Variants in B3GALT1 observed in about 807,000 individuals in gnomAD.
B3GALT1 encodes beta-1,3-galactosyltransferase 1.
B3GALT1 carries 10 observed loss-of-function variants against 23.2 expected under a neutral mutation model. The ratio of observed to expected loss-of-function variants is 0.43; its 90% confidence interval spans 0.27 to 0.73. The LOEUF is 0.73. Ranked by LOEUF, B3GALT1 falls within the 30% of genes least tolerant of loss-of-function variation. The pLI, the probability that B3GALT1 is intolerant of heterozygous loss-of-function variation, is 0.21. For synonymous variants in B3GALT1, 156 were observed against 141.5 expected (o/e 1.10, Z -0.73); for missense variants, 299 against 405.4 (o/e 0.74, Z 2.25).
At chr2:167,353,358 T>C (rs987231546) in intron 1 of B3GALT1, among the ~76,000 whole-genome samples, 1 of 152,166 alleles carries the variant, frequency 6.6e-6, no homozygotes, top group Admixed American at 6.5e-5. Context: ...GAGTGTCCAC[T>C]AAGATTCAAA....
intron 1 of B3GALT1, among the ~76,000 whole-genome samples, chr2:167,464,307 T>C (rs1308839215): frequency 6.6e-6 from 1 of 152,216 alleles, no homozygotes; most frequent in African/African-American, 2.4e-5. Flanking sequence ...ATGCAAGTTC[T>C]TGATCTGTAT....
intron 1 of B3GALT1, among the ~76,000 whole-genome samples, chr2:167,476,149 G>A (rs1313517065): frequency 6.6e-6 from 1 of 152,082 alleles, no homozygotes; most frequent in African/African-American, 2.4e-5. Flanking sequence ...ATTTAGGGGG[G>A]CAGTATATAC....
chr2:167,743,118 T>C (rs898027020), intron 3 of B3GALT1, among the ~76,000 whole-genome samples: 5 of 152,144 alleles, frequency 3.3e-5, no homozygotes, highest in African/African-American at 1.2e-4. Context: ...CTCATTTTTT[T>C]CAATGTCTAA....
At chr2:167,788,550 A>T (rs779781310) in intron 3 of B3GALT1, among the ~76,000 whole-genome samples, 2 of 152,014 alleles carry the variant, frequency 1.3e-5, no homozygotes, top group African/African-American at 2.4e-5. Context: ...TCATGTTCCT[A>T]TGAGAATCTA....
chr2:167,845,791 A>T (rs1250670498), intron 4 of B3GALT1, among the ~76,000 whole-genome samples: 1 of 152,056 alleles, frequency 6.6e-6, no homozygotes, highest in African/African-American at 2.4e-5. Flanking sequence ...CTGAAAAAGC[A>T]TTCAGGAGGT....
intron 1 of B3GALT1, among the ~76,000 whole-genome samples, chr2:167,467,840 A>G (rs1207075342): frequency 6.6e-6 from 1 of 152,218 alleles, no homozygotes; most frequent in Non-Finnish European, 1.5e-5. Flanking sequence ...TTATTCATTC[A>G]TTCATTCAAA....
chr2:167,575,962 T>C (rs183349683), intron 2 of B3GALT1, among the ~76,000 whole-genome samples: 18 of 148,918 alleles, frequency 1.2e-4, no homozygotes, highest in Non-Finnish European at 2.2e-4. Flanking sequence ...TCTTCAACAA[T>C]ATATTATTAT....
At chr2:167,694,809 T>A (rs1686768305) in intron 3 of B3GALT1, among the ~76,000 whole-genome samples, 1 of 152,298 alleles carries the variant, frequency 6.6e-6, no homozygotes, top group South Asian at 2.1e-4. Context: ...CAAAAAAATT[T>A]GCAGTCTCTT....
At chr2:167,770,878 G>A (rs748730265) in intron 3 of B3GALT1, among the ~76,000 whole-genome samples, 2 of 152,154 alleles carry the variant, frequency 1.3e-5, no homozygotes, top group Non-Finnish European at 2.9e-5. Flanking sequence ...TTTCAGTGAA[G>A]GCAAAGGTTG....
chr2:167,865,550 G>A (rs943541869), intron 4 of B3GALT1, among the ~76,000 whole-genome samples: 4 of 152,226 alleles, frequency 2.6e-5, no homozygotes, highest in Admixed American at 6.5e-5. Flanking sequence ...CCAGCATTCT[G>A]GGAGGCCGAG....
At chr2:167,542,742 T>C (rs1409802237) in intron 2 of B3GALT1, among the ~76,000 whole-genome samples, 1 of 151,794 alleles carries the variant, frequency 6.6e-6, no homozygotes, top group African/African-American at 2.4e-5. Context: ...ATAGTTTACA[T>C]AGAATGGGCA....
intron 2 of B3GALT1, among the ~76,000 whole-genome samples, chr2:167,586,926 A>C (rs1297449949): frequency 6.6e-6 from 1 of 152,218 alleles, no homozygotes; most frequent in Non-Finnish European, 1.5e-5. Flanking sequence ...AAGAAGAGTC[A>C]GGAAATGAAA....
intron 1 of B3GALT1, among the ~76,000 whole-genome samples, chr2:167,423,117 A>G (rs1459587923): frequency 5.3e-5 from 8 of 152,188 alleles, no homozygotes; most frequent in Non-Finnish European, 1.2e-4. Flanking sequence ...ATACCAGTCA[A>G]GTAAGACCTG....
chr2:167,765,391 A>G (rs900335116), intron 3 of B3GALT1, among the ~76,000 whole-genome samples: 2 of 152,184 alleles, frequency 1.3e-5, no homozygotes, highest in East Asian at 1.9e-4. Context: ...ACTCGGCGCT[A>G]TGGCAAATTT....
At chr2:167,572,409 A>G (rs1351643309) in intron 2 of B3GALT1, among the ~76,000 whole-genome samples, 2 of 151,868 alleles carry the variant, frequency 1.3e-5, no homozygotes, top group Non-Finnish European at 2.9e-5. Flanking sequence ...ACTTCCAGAA[A>G]ACGTTTTTCA....
intron 3 of B3GALT1, among the ~76,000 whole-genome samples, chr2:167,786,480 A>G (rs137999018): frequency 1.3e-5 from 2 of 152,330 alleles, no homozygotes; most frequent in Non-Finnish European, 2.9e-5. Flanking sequence ...CAGGTTACTG[A>G]CAGAAAATTC....
intron 3 of B3GALT1, among the ~76,000 whole-genome samples, chr2:167,775,705 T>TA (rs1189122345): frequency 1.4e-5 from 2 of 140,340 alleles, no homozygotes; most frequent in Middle Eastern, 4.2e-3. Flanking sequence ...CACACAAACT[T>TA]AAACAGGTGC....
At chr2:167,640,507 T>A (rs1685633374) in intron 2 of B3GALT1, among the ~76,000 whole-genome samples, 1 of 151,472 alleles carries the variant, frequency 6.6e-6, no homozygotes, top group South Asian at 2.1e-4. Context: ...ATAAACTATG[T>A]CAAAAAGTCT....
rs73971210 is a variant in B3GALT1, at chr2:167,654,147, C to G, written c.-352+7181C>G. On this transcript the variant is annotated intron_variant, in intron 3 of 4. Transcript: ENST00000392690. ...CTTGGGCATATCACTTTTTGTGCCTCTGTTTTCTCTTCCAGAAAATGGAAA... is the reference window on the plus strand; with the variant it reads ...CTTGGGCATATCACTTTTTGTGCCTGTGTTTTCTCTTCCAGAAAATGGAAA... Among the ~76,000 whole-genome samples the G allele has an allele frequency of 9.6e-3, 1,458 of 152,254 alleles. 26 individuals are homozygous for G. Among genetic ancestry groups the G allele is most frequent in the African/African-American group, 0.032 (1,340 of 41,550 alleles).
Sources: gnomAD v4.1 joint callset for allele counts (sites outside exome capture counted in the v4.1 genomes callset) on GRCh38, gnomAD v4.1.1 for gene constraint, MANE v1.5 for transcripts, NCBI Gene and HGNC (gene_info 2026-07-23, HGNC 2026-07-21) for gene names.